The following DLGAP2 variants were observed in gnomAD, a reference collection of about 807,000 sequenced individuals.
DLGAP2 encodes DLG associated protein 2, also known as disks large-associated protein 2.
Under a neutral mutation model 100.3 loss-of-function variants are expected in DLGAP2, and 26 were observed. The ratio of observed to expected loss-of-function variants is 0.26; its 90% confidence interval spans 0.19 to 0.36. The LOEUF (loss-of-function observed/expected upper bound fraction) is 0.36, where lower values mean the gene tolerates loss of function less well. Ranked by LOEUF, DLGAP2 falls within the 10% of genes least tolerant of loss-of-function variation. The pLI is 1.00. For synonymous variants in DLGAP2, 886 were observed against 630.1 expected, an observed-to-expected ratio of 1.41 and a Z score of -6.08; for missense variants, 1,858 against 1,453.2, an observed-to-expected ratio of 1.28 and a Z score of -4.53.
At chr8:1,295,981 G>A (rs1455920744) in intron 3 of DLGAP2, 1 of 152,218 alleles carries the variant, frequency 6.6e-6, no homozygotes. Flanking sequence ...ATGCGGAGGA[G>A]TGCAACTCGG....
chr8:1,075,305 A>T (rs1201752589), intron 2 of DLGAP2, among the ~76,000 whole-genome samples: 1 of 152,126 alleles, frequency 6.6e-6, no homozygotes, highest in African/African-American at 2.4e-5. Flanking sequence ...AAGGATCCCT[A>T]GGAGAGCAGG....
chr8:1,622,322 C>G (rs999324789), intron 6 of DLGAP2: 1 of 152,216 alleles, frequency 6.6e-6, no homozygotes, highest in Non-Finnish European at 1.5e-5. Context: ...TCTTAAATAT[C>G]TCCTTAGCAC....
At chr8:1,001,808 C>A (rs57381523) in intron 2 of DLGAP2, among the ~76,000 whole-genome samples, 1 of 152,140 alleles carries the variant, frequency 6.6e-6, no homozygotes, top group Non-Finnish European at 1.5e-5. Flanking sequence ...GAACAAGGAA[C>A]AAGGAAGAAA....
At chr8:1,504,582 C>G (rs1160677479) in intron 4 of DLGAP2, among the ~76,000 whole-genome samples, 1 of 152,196 alleles carries the variant, frequency 6.6e-6, no homozygotes, top group Non-Finnish European at 1.5e-5. Flanking sequence ...GACCACTGTT[C>G]TACCCTCTGC....
chr8:1,544,431 T>C (rs1314659062), intron 4 of DLGAP2, among the ~76,000 whole-genome samples: 2 of 152,316 alleles, frequency 1.3e-5, no homozygotes, highest in African/African-American at 2.4e-5. Flanking sequence ...CCCTTCAGCA[T>C]TGAGTATGAT....
chr8:1,027,640 C>T (rs1297520603), intron 2 of DLGAP2, among the ~76,000 whole-genome samples: 2 of 145,368 alleles, frequency 1.4e-5, no homozygotes, highest in Non-Finnish European at 3.0e-5. Context: ...CGTTATTCTC[C>T]AGGTGGGGTA....
Position 1,159,480 on chromosome 8 carries a change from T to C in DLGAP2, c.74-99371T>C, listed in dbSNP as rs534318591. Among the ~76,000 whole-genome samples the C allele has an allele frequency of 4.6e-5, 7 of 152,340 alleles. No homozygotes were observed. In the South Asian group the frequency reaches 1.5e-3, roughly 32 times the overall value. On this transcript the variant is annotated intron_variant, in intron 2 of 14. Transcript: ENST00000637795. ...TACGCAGTTATCAGAGTTCCTTACG[T>C]ATGGAGCATTGCACTTGGTTTATGG...
At chr8:1,091,981 A>G (rs143664863) in intron 2 of DLGAP2, among the ~76,000 whole-genome samples, 16 of 151,544 alleles carry the variant, frequency 1.1e-4, no homozygotes, top group African/African-American at 3.4e-4. Flanking sequence ...CCCACGTTTT[A>G]TTTTCTGATT....
intron 12 of DLGAP2, among the ~76,000 whole-genome samples, chr8:1,688,968 C>T (rs1187280286): frequency 6.6e-6 from 1 of 152,120 alleles, no homozygotes; most frequent in East Asian, 1.9e-4. Flanking sequence ...GTTCTTTTTC[C>T]CGAAAGTCGG....
At chr8:1,208,054 G>C (rs1798031295) in intron 2 of DLGAP2, among the ~76,000 whole-genome samples, 1 of 152,186 alleles carries the variant, frequency 6.6e-6, no homozygotes, top group Admixed American at 6.5e-5. Flanking sequence ...TTGCTGTGCA[G>C]AAGCTTTTTA....
chr8:1,084,393 C>T (rs1217295320), intron 2 of DLGAP2, among the ~76,000 whole-genome samples: 2 of 152,158 alleles, frequency 1.3e-5, no homozygotes, highest in African/African-American at 2.4e-5. Context: ...GTGATGAGAA[C>T]ATTAGAAATT....
chr8:1,450,567 C>A (rs1484901773), intron 3 of DLGAP2, among the ~76,000 whole-genome samples: 2 of 152,014 alleles, frequency 1.3e-5, no homozygotes, highest in Non-Finnish European at 2.9e-5. Flanking sequence ...GCAGGACTCG[C>A]CTTTCTGTGA....
At chr8:820,161 C>G (rs559073146) in intron 1 of DLGAP2, among the ~76,000 whole-genome samples, 12 of 152,236 alleles carry the variant, frequency 7.9e-5, no homozygotes, top group African/African-American at 2.9e-4. Context: ...AACTGGTTAT[C>G]CATTGGAGAA....
At chr8:1,262,936 C>T (rs1037192225) in intron 3 of DLGAP2, among the ~76,000 whole-genome samples, 1 of 152,208 alleles carries the variant, frequency 6.6e-6, no homozygotes, top group South Asian at 2.1e-4. Flanking sequence ...TGATTTGTCA[C>T]CACAGCAGAT....
chr8:1,298,770 G>C (rs1800255782), intron 3 of DLGAP2, among the ~76,000 whole-genome samples: 3 of 152,216 alleles, frequency 2.0e-5, no homozygotes, highest in Non-Finnish European at 4.4e-5. Flanking sequence ...TTAAACTAAA[G>C]ACTTCTATTT....
intron 5 of DLGAP2, among the ~76,000 whole-genome samples, chr8:1,564,597 T>C (rs550964461): frequency 1.3e-5 from 2 of 152,338 alleles, no homozygotes; most frequent in South Asian, 4.1e-4. Flanking sequence ...ATAACAGGCA[T>C]AGGTGCTCAC....
chr8:1,186,768 T>C (rs927565086), intron 2 of DLGAP2, among the ~76,000 whole-genome samples: 1 of 152,166 alleles, frequency 6.6e-6, no homozygotes, highest in Non-Finnish European at 1.5e-5. Flanking sequence ...TCTAAGGAGC[T>C]TGGACGTGTC....
At chr8:1,667,775 C>T (rs540323987) in intron 8 of DLGAP2, among the ~76,000 whole-genome samples, 1 of 152,218 alleles carries the variant, frequency 6.6e-6, no homozygotes, top group Non-Finnish European at 1.5e-5. Flanking sequence ...ATAGAATCAG[C>T]ATTTTCCACG....
At chr8:1,208,100 A>C (rs4639547) in intron 2 of DLGAP2, among the ~76,000 whole-genome samples, 109,063 of 152,096 alleles carry the variant, frequency 0.72, 40,247 homozygotes, top group African/African-American at 0.9. Context: ...GCTTTTGTTG[A>C]ATTTGCTTTT....
Sources: gnomAD v4.1 joint callset for allele counts (sites outside exome capture counted in the v4.1 genomes callset) on GRCh38, gnomAD v4.1.1 for gene constraint, MANE v1.5 for transcripts, NCBI Gene and HGNC (gene_info 2026-07-23, HGNC 2026-07-21) for gene names.